DACH1: variants seen among roughly 807,000 people sequenced by gnomAD.
DACH1 encodes the protein dachshund family transcription factor 1.
In DACH1, 12 loss-of-function variants were observed where a neutral mutation model predicts 54.2. The ratio of observed to expected loss-of-function variants is 0.22; its 90% confidence interval spans 0.14 to 0.36. The LOEUF is 0.36. Ranked by LOEUF, DACH1 falls within the 10% of genes least tolerant of loss-of-function variation. The pLI, the probability that DACH1 is intolerant of heterozygous loss-of-function variation, is 1.00. For synonymous variants in DACH1, 386 were observed against 366.2 expected, an observed-to-expected ratio of 1.05 and a Z score of -0.62; for missense variants, 805 against 929.8, an observed-to-expected ratio of 0.87 and a Z score of 1.75.
chr13:71,546,425 A>G (rs767866250), intron 6 of DACH1, among the ~76,000 whole-genome samples: 5 of 152,036 alleles, frequency 3.3e-5, no homozygotes, highest in Non-Finnish European at 2.9e-5. Flanking sequence ...CCTGAAATAT[A>G]CCAATAAAAT....
chr13:71,745,860 A>C (rs2137960437), intron 1 of DACH1, among the ~76,000 whole-genome samples: 1 of 152,366 alleles, frequency 6.6e-6, no homozygotes, highest in Admixed American at 6.5e-5. Context: ...TCAAAACATT[A>C]GAGTTATCTA....
intron 1 of DACH1, among the ~76,000 whole-genome samples, chr13:71,709,251 C>G (rs576647509): frequency 6.6e-6 from 1 of 151,838 alleles, no homozygotes; most frequent in South Asian, 2.1e-4. Context: ...AAAATTTTCC[C>G]TTGATTAATA....
intron 10 of DACH1, among the ~76,000 whole-genome samples, chr13:71,451,304 T>C (rs1029393371): frequency 4.6e-5 from 7 of 152,188 alleles, no homozygotes; most frequent in Non-Finnish European, 1.0e-4. Context: ...CACTGACAAG[T>C]ATAATGCTTC....
chr13:71,648,439 G>A (rs1252748097), intron 2 of DACH1, among the ~76,000 whole-genome samples: 1 of 152,102 alleles, frequency 6.6e-6, no homozygotes, highest in Non-Finnish European at 1.5e-5. Flanking sequence ...GAAAGGGAGG[G>A]AGACAACAAT....
At chr13:71,638,828 C>G (rs1452149549) in intron 2 of DACH1, among the ~76,000 whole-genome samples, 1 of 152,156 alleles carries the variant, frequency 6.6e-6, no homozygotes, top group African/African-American at 2.4e-5. Context: ...AAGTGGCATA[C>G]AGAGAAACTT....
chr13:71,678,501 A>C (rs1039430186), intron 2 of DACH1, among the ~76,000 whole-genome samples: 4 of 152,178 alleles, frequency 2.6e-5, no homozygotes, highest in Non-Finnish European at 2.9e-5. Context: ...TTGAAAGTTG[A>C]AAGTAAGCAA....
intron 2 of DACH1, among the ~76,000 whole-genome samples, chr13:71,673,007 T>G (rs1344110979): frequency 4.6e-5 from 7 of 152,164 alleles, no homozygotes; most frequent in Admixed American, 4.6e-4. Flanking sequence ...ATTAAGGACA[T>G]TAGCAACTTC....
intron 6 of DACH1, among the ~76,000 whole-genome samples, chr13:71,523,839 A>G (rs1276347613): frequency 1.3e-5 from 2 of 152,138 alleles, no homozygotes; most frequent in African/African-American, 2.4e-5. Context: ...CAGGAAAAAG[A>G]ACTCATTCTA....
intron 1 of DACH1, among the ~76,000 whole-genome samples, chr13:71,771,824 T>C (rs1844395912): frequency 6.6e-6 from 1 of 150,890 alleles, no homozygotes; most frequent in Non-Finnish European, 1.5e-5. Flanking sequence ...AAGGTAAATA[T>C]TACTGTATAA....
chr13:71,555,533 G>A (rs1186426291), intron 6 of DACH1, among the ~76,000 whole-genome samples: 7 of 151,472 alleles, frequency 4.6e-5, no homozygotes, highest in African/African-American at 9.7e-5. Context: ...TAGTAGAGAC[G>A]GAGTTTCACC....
At chr13:71,812,459 T>G (rs1386793246) in intron 1 of DACH1, among the ~76,000 whole-genome samples, 1 of 152,148 alleles carries the variant, frequency 6.6e-6, no homozygotes, top group Admixed American at 6.6e-5. Flanking sequence ...TTCCAAAATT[T>G]TATGCTATAA....
intron 1 of DACH1, among the ~76,000 whole-genome samples, chr13:71,705,546 CA>C (rs996475317): frequency 9.2e-5 from 14 of 152,100 alleles, no homozygotes; most frequent in African/African-American, 3.4e-4. Flanking sequence ...TGAATTTATT[CA>C]AAAAATGTTT....
At chr13:71,549,639 C>A (rs959517748) in intron 6 of DACH1, among the ~76,000 whole-genome samples, 6 of 152,058 alleles carry the variant, frequency 3.9e-5, no homozygotes, top group African/African-American at 1.4e-4. Flanking sequence ...TTGTCAACAC[C>A]AATAAATGAC....
chr13:71,693,127 TAAG>T (rs975149202), intron 1 of DACH1, among the ~76,000 whole-genome samples: 5 of 151,910 alleles, frequency 3.3e-5, no homozygotes, highest in African/African-American at 1.2e-4. Context: ...AAACCAGCAA[TAAG>T]AAGGAAAAAA....
intron 1 of DACH1, among the ~76,000 whole-genome samples, chr13:71,826,100 C>A (rs888154683): frequency 2.0e-5 from 3 of 152,056 alleles, no homozygotes; most frequent in African/African-American, 4.8e-5. Context: ...TTCAAATATC[C>A]ATTTGACTGC....
intron 4 of DACH1, among the ~76,000 whole-genome samples, chr13:71,572,236 A>G (rs1885258142): frequency 6.6e-6 from 1 of 152,186 alleles, no homozygotes; most frequent in South Asian, 2.1e-4. Context: ...CATATATAAC[A>G]CATACGATGC....
In DACH1 at chr13:71,559,909, C is replaced by T. The variant is rs377643799; in HGVS notation, c.1346G>A (p.Gly449Glu). The change falls in exon 5 of 11, where the codon GGG (glycine) becomes GAG (glutamate). Residue 449 changes from glycine to glutamate, a missense_variant. By Grantham distance (98) the Gly-to-Glu change is moderately conservative. Transcript: ENST00000613252. Reference protein sequence around the residue: ...SPSPAPSLEEGRRPGSHPSSH... With the variant: ...SPSPAPSLEEERRPGSHPSSH... ...TGATGGGTGACTGCCAGGCCTTCTC[C>T]CCTCCTCCAGAGAGGGGGCAGGTGA... The T allele has an allele frequency of 5.0e-6, 8 of 1,608,206 alleles. No individual in the cohort carries two copies. The highest frequency in any genetic ancestry group is 5.1e-6 in the Non-Finnish European group (6 of 1,177,300).
At chr13:71,445,320 A>G (rs1038882763) in intron 10 of DACH1, among the ~76,000 whole-genome samples, 1 of 152,234 alleles carries the variant, frequency 6.6e-6, no homozygotes, top group Non-Finnish European at 1.5e-5. Context: ...AGTAATAAGT[A>G]TTTCATAAGC....
chr13:71,559,935 G>T lies in DACH1; in HGVS notation c.1320C>A (p.Pro440=), dbSNP rs1261596399. 8.2e-6 allele frequency: 13 copies of T among 1,589,214 alleles called. No homozygotes were observed. Among genetic ancestry groups the T allele is most frequent in the Non-Finnish European group, 1.1e-5 (13 of 1,168,762 alleles). The change falls in exon 5 of 11, where the codon CCC becomes CCA. Residue 440 remains proline (P), a synonymous_variant. Transcript: ENST00000613252. Reference sequence around the variant, plus strand: ...CCTCCTCCAGAGAGGGGGCAGGTGAGGGGCTATCAGGAACACGCTCCTGCA... The same window carrying T: ...CCTCCTCCAGAGAGGGGGCAGGTGATGGGCTATCAGGAACACGCTCCTGCA... The part of the protein sequence containing the change: ...SVIKERVPDS[P]SPAPSLEEGR...
Sources: allele counts gnomAD v4.1 joint callset (sites outside exome capture counted in the v4.1 genomes callset), GRCh38; gene constraint gnomAD v4.1.1; transcripts MANE v1.5; gene names NCBI Gene and HGNC (gene_info 2026-07-23, HGNC 2026-07-21).